TRRAP: variants seen among roughly 807,000 people sequenced by gnomAD.
The protein encoded by TRRAP is transformation/transcription domain-associated protein.
TRRAP carries 41 observed loss-of-function variants against 438.8 expected under a neutral mutation model. That is an observed-to-expected ratio of 0.09 (90% CI 0.07 to 0.12). TRRAP has a LOEUF of 0.12. Ranked by LOEUF, TRRAP falls within the 10% of genes least tolerant of loss-of-function variation. TRRAP has a pLI of 1.00. For missense variants in TRRAP, 3,122 were observed against 5,055.1 expected (o/e 0.62, Z 11.60); for synonymous variants, 1,994 against 1,962.9 (o/e 1.02, Z -0.42).
chr7:98,880,211 G>A (rs1348752371), intron 1 of TRRAP, among the ~76,000 whole-genome samples: 3 of 151,508 alleles, frequency 2.0e-5, no homozygotes, highest in Admixed American at 6.6e-5. Context: ...TCACACGTAC[G>A]ACCAAGGTTG....
At chr7:98,981,992 C>T (rs761618319) in intron 59 of TRRAP, 32 bp downstream of exon 59, 2 of 1,502,704 alleles carry the variant, frequency 1.3e-6, no homozygotes, top group South Asian at 2.6e-5. Context: ...GAGCACAGGC[C>T]TGTGGCCTGT....
At chr7:99,008,230 G>A in intron 69 of TRRAP, 147 bp from the exon 70 acceptor site, 1 of 742,150 alleles carries the variant, frequency 1.3e-6, no homozygotes, top group Non-Finnish European at 2.2e-6. Context: ...GCAAATGGAT[G>A]GTGCATGACC....
At chr7:98,999,267 AT>A in intron 67 of TRRAP, 1 of 1,178,482 alleles carries the variant, frequency 8.5e-7, no homozygotes, top group Admixed American at 1.7e-5. Context: ...GCAGAAACAG[AT>A]GTCGTACAGG....
chr7:99,005,717 G>A lies in TRRAP; in HGVS notation c.10753+369G>A, dbSNP rs555856251. Among the ~76,000 whole-genome samples, 3 of 151,480 alleles carry A rather than the reference G, an allele frequency of 2.0e-5. No homozygotes were observed. The highest frequency in any genetic ancestry group is 3.9e-4 in the East Asian group (2 of 5,162). On this transcript the variant is annotated intron_variant, in intron 69 of 72. Transcript: ENST00000456197. The surrounding 1 kb of genome is among the most constrained non-coding windows in gnomAD (Gnocchi z 5.1). ...TTTCTTTTTTAGCTCATCACCTGTC[G>A]TGTCAGTGTATTTTATGTGTGGCCT...
rs782607266 is a variant in TRRAP, at chr7:98,945,812, C to G, written c.4527+12C>G. 6.3e-7 allele frequency: 1 copy of G among 1,597,412 alleles called. No individual in the cohort carries two copies. The highest frequency in any genetic ancestry group is 1.3e-5 in the African/African-American group (1 of 74,886). On this transcript the variant is annotated intron_variant, in intron 32 of 72. Transcript: ENST00000456197. ...TCTGTCAGTTTGAGGTGAGAACAAC[C>G]TATTAACAGTCAGTTTCTGACTTGC... is the stretch of plus-strand genomic sequence containing the variant.
At chr7:98,989,035 T>C (rs1372085254) in intron 63 of TRRAP, 69 bp downstream of exon 63, 16 of 1,515,846 alleles carry the variant, frequency 1.1e-5, no homozygotes, top group Non-Finnish European at 1.4e-5. Flanking sequence ...GAAATTTAGC[T>C]ATAGTTTACT....
chr7:98,935,808 A>G (rs1790529146), intron 28 of TRRAP, 133 bp downstream of exon 28: 2 of 583,320 alleles, frequency 3.4e-6, no homozygotes, highest in Non-Finnish European at 5.7e-6. Context: ...GATGGGATCA[A>G]AAAATTATTT....
chr7:98,991,045 C>T (rs538812523), intron 64 of TRRAP, among the ~76,000 whole-genome samples: 21 of 152,280 alleles, frequency 1.4e-4, no homozygotes, highest in Non-Finnish European at 2.5e-4. Context: ...TTGTGGCTGT[C>T]GCCCTTTCGA....
chr7:98,978,470 G>T (rs1792769864), intron 57 of TRRAP, 147 bp downstream of exon 57: 2 of 773,718 alleles, frequency 2.6e-6, no homozygotes, highest in Non-Finnish European at 4.2e-6. Flanking sequence ...CCCAAAACCA[G>T]CATTTAAAGC....
intron 25 of TRRAP, 64 bp from the exon 26 acceptor site, chr7:98,931,341 G>A: frequency 4.4e-6 from 7 of 1,578,530 alleles, no homozygotes; most frequent in Non-Finnish European, 6.0e-6. Context: ...CAGGTGTGCA[G>A]GAGACGGCAG....
At chr7:98,884,587 C>T (rs1304842421) in intron 3 of TRRAP, among the ~76,000 whole-genome samples, 1 of 152,164 alleles carries the variant, frequency 6.6e-6, no homozygotes, top group Non-Finnish European at 1.5e-5. Flanking sequence ...GGCAGTGTCA[C>T]CCTGTGTGTG....
rs2301948 is a variant in TRRAP, at chr7:98,917,410, C to T, written c.2366-13C>T. 5.1e-3 allele frequency: 8,220 copies of T among 1,611,524 alleles called. 407 individuals are homozygous for T. In the East Asian group the frequency reaches 0.11, roughly 21 times the overall value. On this transcript the variant is annotated splice_polypyrimidine_tract_variant and intron_variant, in intron 19 of 72. Coordinates refer to ENST00000456197, the MANE Select transcript of TRRAP (RefSeq NM_001375524.1). ...GCGTCTTCCCTCTCTGATAGCTGCA[C>T]CCCCTTCCCTAGGGCTGAACATGCT...
chr7:98,951,996 C>G (rs1326953878), intron 39 of TRRAP, among the ~76,000 whole-genome samples: 1 of 152,140 alleles, frequency 6.6e-6, no homozygotes, highest in Non-Finnish European at 1.5e-5. Context: ...AGCTGGCAGG[C>G]TGGAGGCTGT....
At position 98,895,640 on chromosome 7, in the gene TRRAP, C is replaced by T. The variant is rs1796162582; in HGVS notation, c.451-124C>T. The T allele has an allele frequency of 9.2e-6, 6 of 650,240 alleles. No individual in the cohort carries two copies. The East Asian group carries it at 1.6e-4, about 17-fold the overall frequency. The allele number at this position is 650,240 out of a possible 1,614,324, so 40.3% of individuals were successfully genotyped here. A position where few individuals can be genotyped will look rare whatever the true frequency, so the allele number is the denominator to read the frequency against. ...CCATTGCCTATTTGTATCTTGAGCC[C>T]ACCATTTTCCTTACCTCTCTTATGA... On this transcript the variant is annotated intron_variant, in intron 6 of 72. Coordinates refer to ENST00000456197, the MANE Select transcript of TRRAP (RefSeq NM_001375524.1).
At chr7:98,971,677 C>T in intron 52 of TRRAP, 122 bp from the exon 53 acceptor site, 1 of 1,162,336 alleles carries the variant, frequency 8.6e-7, no homozygotes, top group Non-Finnish European at 1.2e-6. Context: ...AATACTTACA[C>T]ACTTCCAGGA....
At chr7:98,934,298 T>TA (rs1320554879) in intron 27 of TRRAP, among the ~76,000 whole-genome samples, 1 of 152,248 alleles carries the variant, frequency 6.6e-6, no homozygotes, top group African/African-American at 2.4e-5. Context: ...TCCAGGTCCA[T>TA]ACTGTCTGAA....
intron 26 of TRRAP, 105 bp downstream of exon 26, chr7:98,931,770 T>C: frequency 6.7e-7 from 1 of 1,486,652 alleles, no homozygotes; most frequent in African/African-American, 1.4e-5. Context: ...TGTGTCTTGG[T>C]ATCTGTGGGG....
intron 53 of TRRAP, among the ~76,000 whole-genome samples, chr7:98,975,749 A>G (rs7787076): frequency 0.14 from 20,773 of 152,244 alleles, 1,868 homozygotes; most frequent in Non-Finnish European, 0.2. Flanking sequence ...AGTTTATGTC[A>G]TATACGTGTG....
chr7:98,907,010 C>T, intron 13 of TRRAP, among the ~76,000 whole-genome samples: 1 of 149,852 alleles, frequency 6.7e-6, no homozygotes, highest in African/African-American at 2.5e-5. Flanking sequence ...ATCTTTGTTT[C>T]TTACACTTAA....
Sources: allele counts gnomAD v4.1 joint callset (sites outside exome capture counted in the v4.1 genomes callset), GRCh38; gene constraint gnomAD v4.1.1; non-coding constraint Gnocchi (gnomAD v3.1); transcripts MANE v1.5; gene names NCBI Gene and HGNC (gene_info 2026-07-23, HGNC 2026-07-21).